The following NR3C1 variants were observed in gnomAD, a reference collection of about 807,000 sequenced individuals.
The protein encoded by NR3C1 is nuclear receptor subfamily 3 group C member 1, also known as glucocorticoid receptor.
NR3C1 carries 14 observed loss-of-function variants against 74.0 expected under a neutral mutation model. The ratio of observed to expected loss-of-function variants is 0.19; its 90% CI spans 0.12 to 0.30. The LOEUF (loss-of-function observed/expected upper bound fraction) is 0.30, where lower values mean the gene tolerates loss of function less well. Ranked by LOEUF, NR3C1 falls within the 10% of genes least tolerant of loss-of-function variation. The pLI is 1.00. For synonymous variants in NR3C1, 308 were observed against 332.5 expected, an observed-to-expected ratio of 0.93 and a Z score of 0.80; for missense variants, 695 against 909.8, an observed-to-expected ratio of 0.76 and a Z score of 3.04.
intron 3 of NR3C1, 28 bp downstream of exon 3, chr5:143,313,974 A>T (rs369274937): frequency 6.2e-7 from 1 of 1,611,780 alleles, no homozygotes; most frequent in African/African-American, 1.3e-5. Context: ...AAGTAGAGGA[A>T]AAATAAACTC....
intron 2 of NR3C1, among the ~76,000 whole-genome samples, chr5:143,339,800 G>A (rs1192646816): frequency 6.6e-6 from 1 of 152,124 alleles, no homozygotes; most frequent in Admixed American, 6.6e-5. Flanking sequence ...AAGTTTAAGT[G>A]AGCCATTACA....
intron 6 of NR3C1, among the ~76,000 whole-genome samples, chr5:143,297,015 T>C (rs1252140480): frequency 7.0e-6 from 1 of 143,398 alleles, no homozygotes; most frequent in South Asian, 2.2e-4. Flanking sequence ...AGGCAGAGGT[T>C]GCCATGAGCC....
At chr5:143,415,797 A>G (rs185517913) in intron 1 of NR3C1, among the ~76,000 whole-genome samples, 1 of 152,342 alleles carries the variant, frequency 6.6e-6, no homozygotes, top group African/African-American at 2.4e-5. Context: ...GATTTGCAAC[A>G]ATTATCAAGC....
intron 7 of NR3C1, among the ~76,000 whole-genome samples, chr5:143,286,790 TAAC>T (rs1814597565): frequency 1.3e-5 from 2 of 151,902 alleles, no homozygotes; most frequent in Admixed American, 6.6e-5. Context: ...AAACTCTACT[TAAC>T]AAGAGCACAG....
At chr5:143,406,555 TTTTC>T (rs1345220781), upstream of NR3C1, among the ~76,000 whole-genome samples, 25 of 152,330 alleles carry the variant, frequency 1.6e-4, no homozygotes, top group African/African-American at 5.8e-4. Context: ...TAACCCCTCT[TTTTC>T]AGAGTAATAC....
At chr5:143,403,918 G>T (rs2151950381), upstream of NR3C1, 1 of 983,578 alleles carries the variant, frequency 1.0e-6, no homozygotes, top group South Asian at 4.7e-5. Flanking sequence ...CGCCCGGTGC[G>T]CCGCGCTTCG....
intron 4 of NR3C1, among the ~76,000 whole-genome samples, chr5:143,302,332 A>T (rs1026651234): frequency 1.3e-5 from 2 of 152,122 alleles, no homozygotes; most frequent in African/African-American, 2.4e-5. Flanking sequence ...ATCACAACTT[A>T]ATAGAGGAGT....
intron 7 of NR3C1, among the ~76,000 whole-genome samples, chr5:143,292,325 T>C (rs971919804): frequency 1.3e-5 from 2 of 152,118 alleles, no homozygotes; most frequent in African/African-American, 4.8e-5. Context: ...GGGAGGGGAA[T>C]TGTTTTTTAA....
At chr5:143,297,971 A>G (rs1817673204) in intron 6 of NR3C1, among the ~76,000 whole-genome samples, 1 of 152,080 alleles carries the variant, frequency 6.6e-6, no homozygotes, top group African/African-American at 2.4e-5. Context: ...TACTGGGGAG[A>G]TATGTGATGC....
intron 2 of NR3C1, among the ~76,000 whole-genome samples, chr5:143,383,258 T>C (rs1025361403): frequency 1.3e-5 from 2 of 152,372 alleles, no homozygotes; most frequent in African/African-American, 4.8e-5. Context: ...GTTCTTATTA[T>C]TGTTACTAGA....
intron 1 of NR3C1, among the ~76,000 whole-genome samples, chr5:143,433,424 A>ATATATATATATAAATTATTTATTTAAAT (rs1751941765): frequency 7.4e-6 from 1 of 135,946 alleles, no homozygotes; most frequent in African/African-American, 2.8e-5. Flanking sequence ...TATTTAAATT[A>ATATATATATATAAATTATTTATTTAAAT]TATATATATA....
Position 143,399,670 on chromosome 5 carries a change from A to G in NR3C1, c.1170T>C (p.Ser390=). 1 of 1,612,806 alleles carries G rather than the reference A, an allele frequency of 6.2e-7. No individual in the cohort carries two copies. Among genetic ancestry groups the G allele is most frequent in the Non-Finnish European group, 8.5e-7 (1 of 1,178,728 alleles). Residue 390 remains serine (S), a synonymous_variant, in exon 2 of 9, where the codon TCT becomes TCC. Transcript: ENST00000394464. ...TLNFPGRTVF[S]NGYSSPSMRP... is the part of the protein sequence containing the mutation. ...ACTGATCTTACCTTGAATAGCCATTAGAAAAAACTGTTCGACCAGGGAAGT... is the reference window on the plus strand; with the variant it reads ...ACTGATCTTACCTTGAATAGCCATTGGAAAAAACTGTTCGACCAGGGAAGT...
At chr5:143,374,329 A>G (rs1424795844) in intron 2 of NR3C1, among the ~76,000 whole-genome samples, 2 of 152,130 alleles carry the variant, frequency 1.3e-5, no homozygotes, top group South Asian at 4.1e-4. Context: ...CGACTCTACT[A>G]AAAATACAAA....
intron 2 of NR3C1, among the ~76,000 whole-genome samples, chr5:143,346,237 TCAG>T (rs1829265187): frequency 6.6e-6 from 1 of 152,218 alleles, no homozygotes; most frequent in African/African-American, 2.4e-5. Context: ...AGGGGCTGTG[TCAG>T]GGTCATTGTG....
chr5:143,381,291 G>C (rs916093002), intron 2 of NR3C1, among the ~76,000 whole-genome samples: 2 of 151,044 alleles, frequency 1.3e-5, no homozygotes, highest in African/African-American at 4.9e-5. Flanking sequence ...ATATTGAAGA[G>C]GACACACAAA....
At chr5:143,318,442 C>T (rs1449028144) in intron 2 of NR3C1, among the ~76,000 whole-genome samples, 1 of 152,050 alleles carries the variant, frequency 6.6e-6, no homozygotes, top group Non-Finnish European at 1.5e-5. Context: ...TATTATCATG[C>T]ATTAGTCATC....
At chr5:143,402,198 C>A (rs780367672) in intron 1 of NR3C1, among the ~76,000 whole-genome samples, 2 of 152,120 alleles carry the variant, frequency 1.3e-5, no homozygotes, top group African/African-American at 4.8e-5. Context: ...CACGAGGTAT[C>A]GAATGGAGCC....
chr5:143,332,795 G>A, intron 2 of NR3C1: 1 of 1,542,862 alleles, frequency 6.5e-7, no homozygotes, highest in Non-Finnish European at 8.9e-7. Flanking sequence ...TTGATGGCGT[G>A]AGTTTACGGG....
intron 2 of NR3C1, among the ~76,000 whole-genome samples, chr5:143,325,547 C>T (rs941130159): frequency 6.6e-6 from 1 of 152,126 alleles, no homozygotes; most frequent in African/African-American, 2.4e-5. Context: ...TTCAAGTAAC[C>T]CTTATTTTAC....
Sources: gnomAD v4.1 joint callset for allele counts (sites outside exome capture counted in the v4.1 genomes callset) on GRCh38, gnomAD v4.1.1 for gene constraint, MANE v1.5 for transcripts, NCBI Gene and HGNC (gene_info 2026-07-23, HGNC 2026-07-21) for gene names.